EYS: variants seen among roughly 807,000 people sequenced by gnomAD.
EYS encodes EGF-like photoreceptor maintenance factor, also known as protein eyes shut homolog.
In EYS, 250 loss-of-function variants were observed where a neutral mutation model predicts 282.1. The observed-to-expected ratio is 0.89, with a 90% CI of 0.80 to 0.98. The LOEUF (loss-of-function observed/expected upper bound fraction) is 0.98. Ranked by LOEUF, EYS falls within the 50% of genes least tolerant of loss-of-function variation. The pLI is 0.00. For missense variants in EYS, 4,016 were observed against 3,709.0 expected (o/e 1.08, Z -2.15); for synonymous variants, 1,355 against 1,282.9 (o/e 1.06, Z -1.20).
intron 5 of EYS, among the ~76,000 whole-genome samples, chr6:65,409,602 GA>G (rs1454871667): frequency 1.3e-5 from 2 of 152,066 alleles, no homozygotes; most frequent in Non-Finnish European, 2.9e-5. Flanking sequence ...GATATACGTG[GA>G]CTTTGAAAAT....
intron 14 of EYS, among the ~76,000 whole-genome samples, chr6:64,985,388 G>A (rs1770822975): frequency 6.6e-6 from 1 of 151,414 alleles, no homozygotes; most frequent in African/African-American, 2.4e-5. Flanking sequence ...GTCATTATTT[G>A]TTTAGCTAAA....
intron 31 of EYS, among the ~76,000 whole-genome samples, chr6:64,190,195 C>G (rs973275212): frequency 6.6e-6 from 1 of 152,054 alleles, no homozygotes; most frequent in East Asian, 1.9e-4. Flanking sequence ...TACAAACAAC[C>G]CCTCCATAGG....
intron 35 of EYS, among the ~76,000 whole-genome samples, chr6:63,909,223 G>A (rs1773857211): frequency 6.6e-6 from 1 of 152,154 alleles, no homozygotes; most frequent in African/African-American, 2.4e-5. Flanking sequence ...AGGGCAAAAA[G>A]GAATAGCAAG....
chr6:65,024,539 T>C (rs143566146), intron 13 of EYS, among the ~76,000 whole-genome samples: 2 of 152,234 alleles, frequency 1.3e-5, no homozygotes, highest in African/African-American at 4.8e-5. Flanking sequence ...TCAGAATTCA[T>C]GCGTCACGAA....
At chr6:64,303,827 C>A (rs1215580801) in intron 30 of EYS, among the ~76,000 whole-genome samples, 3 of 100,108 alleles carry the variant, frequency 3.0e-5, no homozygotes, top group Admixed American at 3.0e-4. Flanking sequence ...GGCGACAGAG[C>A]GAAACTCCGT....
At chr6:65,063,000 C>G (rs1392365975) in intron 12 of EYS, among the ~76,000 whole-genome samples, 1 of 151,764 alleles carries the variant, frequency 6.6e-6, no homozygotes, top group East Asian at 1.9e-4. Flanking sequence ...AAATAGTTGA[C>G]AAAATAGTTC....
chr6:63,923,560 G>A (rs1764631321), intron 35 of EYS, among the ~76,000 whole-genome samples: 1 of 152,050 alleles, frequency 6.6e-6, no homozygotes, highest in Non-Finnish European at 1.5e-5. Context: ...ATTTTTATAA[G>A]AAAAAAATTA....
rs530574023 is a variant in EYS at position 65,079,629 on chromosome 6, G to T, written c.2024-21902C>A. Among the ~76,000 whole-genome samples, 9 of 151,894 alleles carry T rather than the reference G, an allele frequency of 5.9e-5. No individual in the cohort carries two copies. The East Asian group carries it at 1.4e-3, about 23-fold the overall frequency. Reference sequence around the variant, plus strand: ...ATTAACTTTACTTATTTTTAATATAGCTCTTTAACAAATTAGAATTGCATA... The same window carrying T: ...ATTAACTTTACTTATTTTTAATATATCTCTTTAACAAATTAGAATTGCATA... On this transcript the variant is annotated intron_variant, in intron 12 of 42. Transcript: ENST00000503581.
intron 22 of EYS, among the ~76,000 whole-genome samples, chr6:64,723,319 A>G (rs867915893): frequency 6.6e-6 from 1 of 152,202 alleles, no homozygotes. Flanking sequence ...CAACAGTAGG[A>G]AAAAATACCA....
At chr6:64,123,384 A>T (rs2150275643) in intron 31 of EYS, among the ~76,000 whole-genome samples, 2 of 152,304 alleles carry the variant, frequency 1.3e-5, no homozygotes, top group South Asian at 4.1e-4. Context: ...AATTTCTTAA[A>T]TTGATTCTTT....
intron 12 of EYS, among the ~76,000 whole-genome samples, chr6:65,142,394 A>G (rs1204931456): frequency 6.6e-6 from 1 of 151,284 alleles, no homozygotes; most frequent in African/African-American, 2.4e-5. Flanking sequence ...AAAATACATC[A>G]GTAGATCTTT....
At chr6:65,334,902 T>C (rs1769924925) in intron 11 of EYS, 78 bp downstream of exon 11, 3 of 1,361,126 alleles carry the variant, frequency 2.2e-6, no homozygotes, top group Admixed American at 3.4e-5. Context: ...ATTGTTACCA[T>C]GAAACAGTTC....
intron 12 of EYS, among the ~76,000 whole-genome samples, chr6:65,067,406 A>G (rs961715776): frequency 7.2e-5 from 11 of 152,140 alleles, no homozygotes; most frequent in Admixed American, 2.0e-4. Flanking sequence ...AGATTGCTCA[A>G]TTCATCACAA....
chr6:64,973,688 T>C (rs1770375653), intron 14 of EYS, among the ~76,000 whole-genome samples: 3 of 152,086 alleles, frequency 2.0e-5, no homozygotes, highest in South Asian at 2.1e-4. Flanking sequence ...TAACTGAAGA[T>C]AGTGCTAAGT....
intron 41 of EYS, among the ~76,000 whole-genome samples, chr6:63,757,594 G>T (rs532731291): frequency 6.6e-6 from 1 of 152,042 alleles, no homozygotes; most frequent in Non-Finnish European, 1.5e-5. Context: ...ATAAAAACTT[G>T]CTGGTTTTGT....
At chr6:64,823,881 A>C (rs571607831) in intron 19 of EYS, among the ~76,000 whole-genome samples, 10 of 152,072 alleles carry the variant, frequency 6.6e-5, no homozygotes, top group Non-Finnish European at 1.5e-4. Context: ...TACCAATTGG[A>C]AAACATGGTT....
intron 33 of EYS, among the ~76,000 whole-genome samples, chr6:64,062,645 C>T (rs780471442): frequency 6.7e-5 from 10 of 148,344 alleles, no homozygotes; most frequent in South Asian, 2.1e-4. Context: ...GAGCCGAGAT[C>T]GCACCATTGC....
chr6:64,171,750 T>A (rs1308104009), intron 31 of EYS, among the ~76,000 whole-genome samples: 1 of 152,222 alleles, frequency 6.6e-6, no homozygotes, highest in Admixed American at 6.5e-5. Context: ...ATGGGTTTTA[T>A]TGGGGAGTTG....
intron 22 of EYS, among the ~76,000 whole-genome samples, chr6:64,706,319 C>T (rs1771014104): frequency 6.6e-6 from 1 of 152,072 alleles, no homozygotes; most frequent in Non-Finnish European, 1.5e-5. Context: ...CAAAAATAAA[C>T]TCAAGATAAA....
Sources: gnomAD v4.1 joint callset for allele counts (sites outside exome capture counted in the v4.1 genomes callset) on GRCh38, gnomAD v4.1.1 for gene constraint, MANE v1.5 for transcripts, NCBI Gene and HGNC (gene_info 2026-07-23, HGNC 2026-07-21) for gene names.